GALNT7: variants seen among roughly 807,000 people sequenced by gnomAD.
GALNT7 encodes the protein N-acetylgalactosaminyltransferase 7.
A neutral mutation model predicts 82.1 loss-of-function variants in GALNT7; 60 were observed. That is an observed-to-expected ratio of 0.73 (90% CI 0.59 to 0.91). The LOEUF (loss-of-function observed/expected upper bound fraction) is 0.91. Among genes scored for constraint, GALNT7 ranks in the 40% least tolerant of loss-of-function variants. The probability of loss-of-function intolerance (pLI) is 0.00; values close to 1 mark genes in which losing one functional copy is unlikely to be tolerated. For synonymous variants in GALNT7, 243 were observed against 275.1 expected, an observed-to-expected ratio of 0.88 and a Z score of 1.15; for missense variants, 660 against 804.2, an observed-to-expected ratio of 0.82 and a Z score of 2.17.
chr4:173,245,796 C>T (rs1273391625), intron 1 of GALNT7, among the ~76,000 whole-genome samples: 4 of 152,144 alleles, frequency 2.6e-5, no homozygotes, highest in African/African-American at 9.7e-5. Context: ...GTCATGCGTG[C>T]CTTACACTTT....
intron 11 of GALNT7, among the ~76,000 whole-genome samples, chr4:173,319,708 T>C (rs1737734082): frequency 6.6e-6 from 1 of 152,190 alleles, no homozygotes; most frequent in African/African-American, 2.4e-5. Flanking sequence ...GTGTGTTAGA[T>C]ATTACTGAAC....
intron 1 of GALNT7, among the ~76,000 whole-genome samples, chr4:173,196,627 C>G (rs770073359): frequency 2.6e-5 from 4 of 152,062 alleles, no homozygotes; most frequent in Non-Finnish European, 5.9e-5. Context: ...TGGTGGTTTG[C>G]TGCACATATC....
intron 1 of GALNT7, among the ~76,000 whole-genome samples, chr4:173,194,633 T>G (rs1410808243): frequency 6.6e-6 from 1 of 152,216 alleles, no homozygotes. Context: ...TAAATTTATT[T>G]ATTTATTAGT....
chr4:173,297,332 T>C (rs1247899164), intron 5 of GALNT7, among the ~76,000 whole-genome samples: 5 of 152,066 alleles, frequency 3.3e-5, no homozygotes, highest in African/African-American at 9.7e-5. Context: ...TTTTCATAAC[T>C]GTTCCCAAGA....
chr4:173,269,852 C>A (rs1310839326), intron 2 of GALNT7, among the ~76,000 whole-genome samples: 2 of 152,096 alleles, frequency 1.3e-5, no homozygotes, highest in Non-Finnish European at 2.9e-5. Flanking sequence ...CCATAAAGTC[C>A]AATTTTATAA....
chr4:173,231,790 G>A (rs1734038075), intron 1 of GALNT7, among the ~76,000 whole-genome samples: 1 of 152,052 alleles, frequency 6.6e-6, no homozygotes, highest in Admixed American at 6.6e-5. Flanking sequence ...TTTGTATATG[G>A]GAGTAGAAAT....
intron 1 of GALNT7, among the ~76,000 whole-genome samples, chr4:173,198,569 T>C (rs1732850733): frequency 6.6e-6 from 1 of 152,226 alleles, no homozygotes; most frequent in Non-Finnish European, 1.5e-5. Context: ...CTGTTTATTA[T>C]ACCTGCCTCT....
Position 173,302,730 on chromosome 4 carries a change from C to G in GALNT7, c.1266+566C>G, listed in dbSNP as rs1736993902. On this transcript the variant is annotated intron_variant, in intron 7 of 11. Coordinates refer to ENST00000265000, the MANE Select transcript of GALNT7 (RefSeq NM_017423.3). This position sits in a 1 kb window ranked among gnomAD's most constrained non-coding sequence, Gnocchi z 4.2. ...AAAAGAAAGAGAGAGAGAACTATAT[C>G]AGAGTGTGAGTTAAACAGGTATTCA... Among the ~76,000 whole-genome samples the G allele has an allele frequency of 6.6e-6, 1 of 152,220 alleles. No individual in the cohort carries two copies.
intron 1 of GALNT7, among the ~76,000 whole-genome samples, chr4:173,193,997 A>G (rs757412469): frequency 1.1e-4 from 16 of 152,214 alleles, no homozygotes; most frequent in Non-Finnish European, 1.6e-4. Context: ...TATGCTATGT[A>G]GTTATAGTGA....
chr4:173,198,116 G>A (rs549984479), intron 1 of GALNT7, among the ~76,000 whole-genome samples: 2 of 152,010 alleles, frequency 1.3e-5, no homozygotes, highest in African/African-American at 4.8e-5. Flanking sequence ...CTGGAGTGCA[G>A]TGGTGTGATC....
chr4:173,245,335 A>G (rs1309428998), intron 1 of GALNT7, among the ~76,000 whole-genome samples: 1 of 152,166 alleles, frequency 6.6e-6, no homozygotes, highest in Admixed American at 6.5e-5. Flanking sequence ...TTTTGGTATT[A>G]GCATAGGTCA....
chr4:173,317,443 T>C (rs1261096418), intron 9 of GALNT7, 191 bp from the exon 10 acceptor site: 1 of 505,748 alleles, frequency 2.0e-6, no homozygotes, highest in African/African-American at 2.0e-5. Context: ...CCCATTCCAG[T>C]GTTGACTTCA....
At position 173,302,518 on chromosome 4, in the gene GALNT7, C is replaced by A. The variant is rs147489513; in HGVS notation, c.1266+354C>A. ...GGCCACAATTGACCACCCACTGACA[C>A]AGTCACCCTTTACCACTGTAGGACA... On this transcript the variant is annotated intron_variant, in intron 7 of 11. Transcript: ENST00000265000. This position sits in a 1 kb window ranked among gnomAD's most constrained non-coding sequence, Gnocchi z 4.2. Among the ~76,000 whole-genome samples the A allele has an allele frequency of 6.3e-4, 96 of 152,318 alleles. No individual in the cohort carries two copies. The highest frequency in any genetic ancestry group is 1.9e-3 in the African/African-American group (81 of 41,578).
At chr4:173,201,567 G>A (rs1732945746) in intron 1 of GALNT7, among the ~76,000 whole-genome samples, 1 of 152,020 alleles carries the variant, frequency 6.6e-6, no homozygotes, top group Admixed American at 6.6e-5. Flanking sequence ...TTCTAGATTG[G>A]GCCAAACCAG....
At chr4:173,275,515 G>A (rs1276930333) in intron 2 of GALNT7, among the ~76,000 whole-genome samples, 1 of 152,186 alleles carries the variant, frequency 6.6e-6, no homozygotes, top group Non-Finnish European at 1.5e-5. Context: ...GTGGGTCAGA[G>A]AAGGCCACAA....
chr4:173,288,277 C>A (rs1348715834), intron 2 of GALNT7, among the ~76,000 whole-genome samples: 1 of 82,586 alleles, frequency 1.2e-5, no homozygotes. Context: ...AGCGAGACTC[C>A]ATCTCAAAAA....
chr4:173,236,823 A>G (rs1734248197), intron 1 of GALNT7, among the ~76,000 whole-genome samples: 1 of 152,162 alleles, frequency 6.6e-6, no homozygotes. Flanking sequence ...TGGCACTTTT[A>G]TATAGAGTAC....
rs1431170729 is a variant in GALNT7 at position 173,321,609 on chromosome 4, A to C, written c.1866A>C (p.Ser622=). 1.9e-6 allele frequency: 3 copies of C among 1,611,796 alleles called. No homozygotes were observed. The South Asian group carries it at 3.3e-5, about 18-fold the overall frequency. The change falls in exon 12 of 12, where the codon TCA becomes TCC. Residue 622 remains serine, a synonymous_variant. Transcript: ENST00000265000. The part of the protein sequence containing the change: ...KNLHRFTHIP[S]GKCLDRSEVL... Reference sequence around the variant, plus strand: ...TGCACAGATTTACTCATATTCCTTCAGGAAAGTGTTTAGATCGCTCAGAGG... The same window carrying C: ...TGCACAGATTTACTCATATTCCTTCCGGAAAGTGTTTAGATCGCTCAGAGG...
At chr4:173,193,371 A>G (rs1732683390) in intron 1 of GALNT7, among the ~76,000 whole-genome samples, 1 of 152,232 alleles carries the variant, frequency 6.6e-6, no homozygotes, top group South Asian at 2.1e-4. Context: ...ACTATTATGG[A>G]AAATTCACAT....
Sources: allele counts gnomAD v4.1 joint callset (sites outside exome capture counted in the v4.1 genomes callset), GRCh38; gene constraint gnomAD v4.1.1; non-coding constraint Gnocchi (gnomAD v3.1); transcripts MANE v1.5; gene names NCBI Gene and HGNC (gene_info 2026-07-23, HGNC 2026-07-21).